The following ROR1 variants were observed in gnomAD, a reference collection of about 807,000 sequenced individuals.
ROR1 encodes the protein inactive tyrosine-protein kinase transmembrane receptor ROR1.
ROR1 carries 19 observed loss-of-function variants against 78.8 expected under a neutral mutation model. That is an observed-to-expected ratio of 0.24 (90% CI 0.17 to 0.35). ROR1 has a LOEUF of 0.35. ROR1 is among the 10% of genes least tolerant of loss of function. The pLI, the probability that ROR1 is intolerant of heterozygous loss-of-function variation, is 1.00. For missense variants in ROR1, 917 were observed against 1,177.8 expected, an observed-to-expected ratio of 0.78 and a Z score of 3.24; for synonymous variants, 386 against 433.6, an observed-to-expected ratio of 0.89 and a Z score of 1.36.
chr1:63,928,842 C>A (rs1389014288), intron 1 of ROR1, among the ~76,000 whole-genome samples: 2 of 152,168 alleles, frequency 1.3e-5, no homozygotes, highest in African/African-American at 2.4e-5. Context: ...CTTGGGATAA[C>A]CCTCTAGAGA....
intron 1 of ROR1, among the ~76,000 whole-genome samples, chr1:63,919,488 CTTT>C (rs10644304): frequency 2.9e-4 from 35 of 122,144 alleles, no homozygotes; most frequent in African/African-American, 3.3e-4. Flanking sequence ...ATTGAATTGG[CTTT>C]TTTTTTTTTT....
chr1:63,908,135 T>C (rs1412235551), intron 1 of ROR1, among the ~76,000 whole-genome samples: 1 of 152,166 alleles, frequency 6.6e-6, no homozygotes, highest in Non-Finnish European at 1.5e-5. Context: ...AATTCACAGA[T>C]AAGGAAACTG....
chr1:63,863,803 AT>A (rs58473722), intron 1 of ROR1, among the ~76,000 whole-genome samples: 2,696 of 124,752 alleles, frequency 0.022, 27 homozygotes, highest in African/African-American at 0.052. Context: ...ATTGTATTGT[AT>A]CATAGATGGC....
intron 1 of ROR1, among the ~76,000 whole-genome samples, chr1:63,984,014 C>T (rs1646231808): frequency 1.3e-5 from 2 of 152,152 alleles, no homozygotes; most frequent in African/African-American, 4.8e-5. Context: ...AAACACACCT[C>T]GACCTGTTTA....
At chr1:64,026,083 A>G (rs531066171) in intron 2 of ROR1, among the ~76,000 whole-genome samples, 4 of 152,020 alleles carry the variant, frequency 2.6e-5, no homozygotes, top group Admixed American at 2.0e-4. Flanking sequence ...AGAATAACCT[A>G]TTCTTCTTTT....
At chr1:63,942,519 A>T (rs915261105) in intron 1 of ROR1, among the ~76,000 whole-genome samples, 2 of 151,748 alleles carry the variant, frequency 1.3e-5, no homozygotes, top group African/African-American at 4.8e-5. Flanking sequence ...CGCCATTTTC[A>T]TCTTTGTGTC....
At chr1:63,813,505 C>A (rs1308864334) in intron 1 of ROR1, among the ~76,000 whole-genome samples, 1 of 152,214 alleles carries the variant, frequency 6.6e-6, no homozygotes, top group Non-Finnish European at 1.5e-5. Context: ...AGCATAAGCA[C>A]TAGAAGAGCA....
At chr1:64,032,340 C>CAAAAAAAAAAAAA (rs66602515) in intron 2 of ROR1, among the ~76,000 whole-genome samples, 3 of 76,326 alleles carry the variant, frequency 3.9e-5, no homozygotes, top group African/African-American at 1.5e-4. Context: ...GACTCCGTCT[C>CAAAAAAAAAAAAA]AAAAAAAAAA....
chr1:64,124,384 T>C (rs1648642603), intron 4 of ROR1, among the ~76,000 whole-genome samples: 1 of 152,166 alleles, frequency 6.6e-6, no homozygotes, highest in South Asian at 2.1e-4. Flanking sequence ...TTCTCCCTTC[T>C]TCCCTTTCTC....
chr1:63,843,233 C>G (rs1245142323), intron 1 of ROR1: 7 of 1,507,942 alleles, frequency 4.6e-6, no homozygotes, highest in African/African-American at 1.4e-5. Context: ...CACTGCCCCC[C>G]AGCTTCTCTG....
intron 2 of ROR1, among the ~76,000 whole-genome samples, chr1:64,024,439 C>G (rs1646592089): frequency 1.3e-5 from 2 of 152,092 alleles, no homozygotes; most frequent in African/African-American, 2.4e-5. Context: ...CGAGATTGCA[C>G]CACTGCACTC....
At chr1:63,934,923 G>C (rs1157125710) in intron 1 of ROR1, among the ~76,000 whole-genome samples, 1 of 152,072 alleles carries the variant, frequency 6.6e-6, no homozygotes, top group East Asian at 1.9e-4. Context: ...AAGGAAGGAT[G>C]AGGGAGCCAA....
chr1:64,151,075 C>T (rs1649608245), intron 7 of ROR1, among the ~76,000 whole-genome samples: 1 of 152,154 alleles, frequency 6.6e-6, no homozygotes, highest in African/African-American at 2.4e-5. Flanking sequence ...TGGCAGGAAA[C>T]ACATGGCACA....
At chr1:63,897,921 A>G (rs1196143014) in intron 1 of ROR1, among the ~76,000 whole-genome samples, 1 of 152,226 alleles carries the variant, frequency 6.6e-6, no homozygotes, top group Admixed American at 6.5e-5. Flanking sequence ...AGGTTCTGCC[A>G]TCTTCAACCT....
chr1:64,029,450 C>T (rs985672179), intron 2 of ROR1, among the ~76,000 whole-genome samples: 39 of 152,284 alleles, frequency 2.6e-4, no homozygotes, highest in African/African-American at 7.7e-4. Flanking sequence ...AATTGCCCTT[C>T]GTATTAGTCT....
intron 8 of ROR1, among the ~76,000 whole-genome samples, chr1:64,166,980 C>A (rs1650106714): frequency 6.6e-6 from 1 of 152,150 alleles, no homozygotes; most frequent in Non-Finnish European, 1.5e-5. Context: ...TCAATAGAAT[C>A]TTTGTAATAA....
chr1:64,130,778 T>C (rs1648886069), intron 4 of ROR1, among the ~76,000 whole-genome samples: 1 of 152,234 alleles, frequency 6.6e-6, no homozygotes, highest in Admixed American at 6.5e-5. Flanking sequence ...TCTGCATCTT[T>C]TACTTGGATC....
At chr1:64,121,933 C>G (rs1233378694) in intron 4 of ROR1, among the ~76,000 whole-genome samples, 1 of 152,206 alleles carries the variant, frequency 6.6e-6, no homozygotes, top group East Asian at 1.9e-4. Flanking sequence ...ACTTCTTCCT[C>G]TTTAAACTGT....
chr1:64,120,838 A>T (rs1648504836), intron 4 of ROR1, among the ~76,000 whole-genome samples: 2 of 152,124 alleles, frequency 1.3e-5, no homozygotes, highest in African/African-American at 4.8e-5. Flanking sequence ...GGGTGGATGG[A>T]TGGATGGAGA....
Sources: allele counts gnomAD v4.1 joint callset (sites outside exome capture counted in the v4.1 genomes callset), GRCh38; gene constraint gnomAD v4.1.1; transcripts MANE v1.5; gene names NCBI Gene and HGNC (gene_info 2026-07-23, HGNC 2026-07-21).